Variants in COBLL1 observed in about 807,000 individuals in gnomAD.
The protein encoded by COBLL1 is cordon-bleu protein-like 1.
COBLL1 carries 50 observed loss-of-function variants against 94.8 expected under a neutral mutation model. The observed-to-expected ratio is 0.53, with a 90% CI of 0.42 to 0.67. COBLL1 has a LOEUF of 0.67. Ranked by LOEUF, COBLL1 falls within the 30% of genes least tolerant of loss-of-function variation. The pLI is 0.00. For missense variants in COBLL1, 1,362 were observed against 1,348.7 expected, an observed-to-expected ratio of 1.01 and a Z score of -0.15; for synonymous variants, 448 against 473.8, an observed-to-expected ratio of 0.95 and a Z score of 0.71.
rs543425761 is a variant in COBLL1, at chr2:164,812,949, G to T, written c.41+28207C>A. Among the ~76,000 whole-genome samples, 4 of 152,140 alleles carry T rather than the reference G, an allele frequency of 2.6e-5. No individual in the cohort carries two copies. In the South Asian group the frequency reaches 8.3e-4, roughly 32 times the overall value. On this transcript the variant is annotated intron_variant, in intron 2 of 13. Transcript: ENST00000652658. ...TACAAACTCAAATAAATTAGGTCTTGATTATTCACCTCAAAGATTTTACCA... is the reference window on the plus strand; with the variant it reads ...TACAAACTCAAATAAATTAGGTCTTTATTATTCACCTCAAAGATTTTACCA...
At chr2:164,803,520 C>G (rs943532839) in intron 2 of COBLL1, among the ~76,000 whole-genome samples, 2 of 150,908 alleles carry the variant, frequency 1.3e-5, no homozygotes, top group South Asian at 2.1e-4. Flanking sequence ...AGCCGAGATC[C>G]CGCCACTGCA....
intron 1 of COBLL1, among the ~76,000 whole-genome samples, chr2:164,666,817 T>C (rs1315764288): frequency 1.3e-5 from 2 of 152,218 alleles, no homozygotes; most frequent in East Asian, 3.8e-4. Flanking sequence ...CTTCTAATTC[T>C]AGCTCTCTTG....
At chr2:164,696,256 G>C (rs1232766615) in intron 11 of COBLL1, 1 of 153,256 alleles carries the variant, frequency 6.5e-6, no homozygotes, top group Non-Finnish European at 1.5e-5. Flanking sequence ...AATAGAAATT[G>C]ACAAATTCAA....
chr2:164,712,859 C>T (rs1684968262), intron 7 of COBLL1, among the ~76,000 whole-genome samples: 1 of 151,960 alleles, frequency 6.6e-6, no homozygotes, highest in Non-Finnish European at 1.5e-5. Flanking sequence ...CACTAAATCC[C>T]AAATAAAAGT....
intron 2 of COBLL1, among the ~76,000 whole-genome samples, chr2:164,823,181 T>C (rs927557024): frequency 1.3e-5 from 2 of 152,186 alleles, no homozygotes; most frequent in African/African-American, 4.8e-5. Flanking sequence ...TTCAATCATG[T>C]TTTCATTACG....
chr2:164,672,163 A>G (rs1483259595), intron 1 of COBLL1, among the ~76,000 whole-genome samples: 1 of 152,208 alleles, frequency 6.6e-6, no homozygotes, highest in Non-Finnish European at 1.5e-5. Flanking sequence ...GAGTTGACTT[A>G]GTCCAAAGGA....
At chr2:164,705,193 G>A in intron 7 of COBLL1, 88 bp from the exon 8 acceptor site, 1 of 1,015,546 alleles carries the variant, frequency 9.8e-7, no homozygotes, top group Non-Finnish European at 1.4e-6. Flanking sequence ...TCAAGCACAG[G>A]ATATATCCAA....
At chr2:164,801,071 G>GA (rs1439810042) in intron 2 of COBLL1, among the ~76,000 whole-genome samples, 2 of 152,242 alleles carry the variant, frequency 1.3e-5, no homozygotes, top group East Asian at 3.9e-4. Flanking sequence ...AATAAGGAGG[G>GA]AGGATTGCTT....
intron 2 of COBLL1, among the ~76,000 whole-genome samples, chr2:164,802,378 A>C (rs73968267): frequency 0.013 from 2,038 of 152,350 alleles, 20 homozygotes; most frequent in African/African-American, 0.035. Flanking sequence ...ATGTAGGCTA[A>C]GATTGAACAA....
chr2:164,821,940 G>A (rs1685189110), intron 2 of COBLL1, among the ~76,000 whole-genome samples: 1 of 152,150 alleles, frequency 6.6e-6, no homozygotes, highest in Non-Finnish European at 1.5e-5. Flanking sequence ...CTTTTCCTAT[G>A]GCTGATGTCC....
rs190936517 is a variant in COBLL1 at position 164,674,922 on chromosome 2, T to C, written n.127-9021A>G. On this transcript the variant is annotated intron_variant and non_coding_transcript_variant, in intron 1 of 2. Transcript: ENST00000495084. The stretch of plus-strand genomic sequence containing the variant: ...CTACACTGAATCATACCCTTTTAAA[T>C]GAAGCAAGTGAAATTTCATATCTGT... Among the ~76,000 whole-genome samples the C allele has an allele frequency of 2.9e-3, 436 of 152,364 alleles. 1 individual carries two copies. Among genetic ancestry groups the C allele is most frequent in the African/African-American group, 9.8e-3 (407 of 41,588 alleles).
chr2:164,719,973 G>T (rs1368038802), intron 7 of COBLL1, among the ~76,000 whole-genome samples: 2 of 152,056 alleles, frequency 1.3e-5, no homozygotes, highest in Admixed American at 6.6e-5. Context: ...ATAAGAAGAG[G>T]TTCAAGACCA....
chr2:164,817,700 C>T (rs1446021002), intron 2 of COBLL1, among the ~76,000 whole-genome samples: 1 of 152,132 alleles, frequency 6.6e-6, no homozygotes, highest in Non-Finnish European at 1.5e-5. Flanking sequence ...ACATACCACT[C>T]CTGGGATAGG....
intron 5 of COBLL1, 154 bp from the exon 6 acceptor site, chr2:164,722,676 C>T (rs1685517260): frequency 2.5e-6 from 1 of 403,276 alleles, no homozygotes; most frequent in Non-Finnish European, 4.5e-6. Context: ...ATTAAGTTCT[C>T]AAAGCAACAA....
chr2:164,801,279 A>C (rs1312740297), intron 2 of COBLL1, among the ~76,000 whole-genome samples: 1 of 151,074 alleles, frequency 6.6e-6, no homozygotes, highest in Non-Finnish European at 1.5e-5. Flanking sequence ...CTCTACTAAA[A>C]ATACAAAAAA....
intron 2 of COBLL1, among the ~76,000 whole-genome samples, chr2:164,777,646 G>A (rs355886): frequency 0.25 from 37,714 of 151,980 alleles, 5,684 homozygotes; most frequent in African/African-American, 0.42. Context: ...TCCATGAATA[G>A]TAAGCTTAAT....
chr2:164,710,528 A>ATTAAC (rs1050347162), intron 7 of COBLL1, among the ~76,000 whole-genome samples: 2 of 151,966 alleles, frequency 1.3e-5, no homozygotes, highest in Admixed American at 6.6e-5. Context: ...ATTAAATTAA[A>ATTAAC]AGGCTGGGAA....
intron 2 of COBLL1, among the ~76,000 whole-genome samples, chr2:164,773,185 G>A (rs975685143): frequency 5.5e-5 from 7 of 128,322 alleles, no homozygotes; most frequent in Admixed American, 2.2e-4. Context: ...TCCAGTACCC[G>A]AAGAAAATAC....
intron 13 of COBLL1, among the ~76,000 whole-genome samples, chr2:164,689,217 A>G (rs924057977): frequency 6.6e-6 from 1 of 152,150 alleles, no homozygotes; most frequent in African/African-American, 2.4e-5. Flanking sequence ...AATCAACTAG[A>G]TAATTGTTCT....
Sources: allele counts gnomAD v4.1 joint callset (sites outside exome capture counted in the v4.1 genomes callset), GRCh38; gene constraint gnomAD v4.1.1; transcripts MANE v1.5; gene names NCBI Gene and HGNC (gene_info 2026-07-23, HGNC 2026-07-21).